The following MBOAT1 variants were observed in gnomAD, a reference collection of about 807,000 sequenced individuals.
MBOAT1 encodes membrane-bound glycerophospholipid O-acyltransferase 1.
Under a neutral mutation model 64.4 loss-of-function variants are expected in MBOAT1, and 67 were observed. That is an observed-to-expected ratio of 1.04 (90% CI 0.85 to 1.27). MBOAT1 has a LOEUF of 1.27. MBOAT1 is among the 50% of genes most tolerant of loss of function. The probability of loss-of-function intolerance (pLI) is 0.00; values close to 1 mark genes in which losing one functional copy is unlikely to be tolerated. For synonymous variants in MBOAT1, 229 were observed against 218.9 expected (o/e 1.05, Z -0.41); for missense variants, 563 against 604.6 (o/e 0.93, Z 0.72).
At chr6:20,177,184 C>T (rs1434696678) in intron 1 of MBOAT1, among the ~76,000 whole-genome samples, 2 of 152,168 alleles carry the variant, frequency 1.3e-5, no homozygotes, top group Non-Finnish European at 2.9e-5. Flanking sequence ...TTTGCCAGTG[C>T]TTGGCCTTCG....
At chr6:20,111,850 A>ATATATACG (rs1760166545) in intron 11 of MBOAT1, among the ~76,000 whole-genome samples, 2 of 93,368 alleles carry the variant, frequency 2.1e-5, no homozygotes, top group African/African-American at 8.1e-5. Context: ...ATATATACAT[A>ATATATACG]TATATATACA....
intron 10 of MBOAT1, among the ~76,000 whole-genome samples, chr6:20,113,227 G>A (rs535273113): frequency 6.6e-6 from 1 of 152,302 alleles, no homozygotes; most frequent in African/African-American, 2.4e-5. Context: ...TCAGCCTTTT[G>A]AGGGGATGTT....
intron 3 of MBOAT1, among the ~76,000 whole-genome samples, chr6:20,148,891 A>T (rs145137434): frequency 4.1e-4 from 63 of 152,102 alleles, no homozygotes; most frequent in African/African-American, 1.4e-3. Context: ...TCACTAGGTC[A>T]AGAGATTGAG....
intron 3 of MBOAT1, among the ~76,000 whole-genome samples, chr6:20,147,265 A>G (rs572312820): frequency 1.6e-4 from 24 of 152,232 alleles, no homozygotes; most frequent in Non-Finnish European, 3.5e-4. Flanking sequence ...GAATGAGCTC[A>G]AATCCCAGCA....
At chr6:20,144,129 G>T in intron 4 of MBOAT1, 91 bp downstream of exon 4, 1 of 802,640 alleles carries the variant, frequency 1.2e-6, no homozygotes, top group South Asian at 1.6e-5. Flanking sequence ...AAGCACCAAC[G>T]ATTCTTTTGT....
chr6:20,172,842 T>C (rs1762238476), intron 1 of MBOAT1, among the ~76,000 whole-genome samples: 1 of 152,162 alleles, frequency 6.6e-6, no homozygotes, highest in Non-Finnish European at 1.5e-5. Flanking sequence ...TGGATGGTGA[T>C]ATGGGTTGGA....
At chr6:20,191,349 G>A (rs775849967) in intron 1 of MBOAT1, among the ~76,000 whole-genome samples, 10 of 152,108 alleles carry the variant, frequency 6.6e-5, no homozygotes, top group East Asian at 5.8e-4. Flanking sequence ...CAATTTACCC[G>A]GGCCATAGCA....
intron 1 of MBOAT1, among the ~76,000 whole-genome samples, chr6:20,194,958 C>CTT (rs112261364): frequency 2.0e-5 from 3 of 146,430 alleles, no homozygotes; most frequent in Non-Finnish European, 1.5e-5. Context: ...ATAATCTAGA[C>CTT]TTTTTTTTTT....
At position 20,101,526 on chromosome 6, in the gene MBOAT1, G is replaced by C. The variant is rs1759785570; in HGVS notation, c.*760C>G. ...CAAACCAGTAATGTCACAAGTCAAA[G>C]GGTCTGGGGCTTCCCAGGGAACCAC... On this transcript the variant is annotated 3_prime_UTR_variant, in exon 13 of 13. Transcript: ENST00000324607. Among the ~76,000 whole-genome samples, 1 of 152,158 alleles carries C rather than the reference G, an allele frequency of 6.6e-6. No individual in the cohort carries two copies.
At chr6:20,131,478 T>C (rs1760827043) in intron 4 of MBOAT1, among the ~76,000 whole-genome samples, 2 of 152,224 alleles carry the variant, frequency 1.3e-5, no homozygotes, top group African/African-American at 4.8e-5. Flanking sequence ...AAGAAAGCCA[T>C]GTTTGCTTCT....
At chr6:20,160,289 A>G (rs1364832918) in intron 1 of MBOAT1, among the ~76,000 whole-genome samples, 1 of 152,246 alleles carries the variant, frequency 6.6e-6, no homozygotes, top group Admixed American at 6.5e-5. Context: ...GCCAGGAATT[A>G]AAAACACTGC....
chr6:20,144,891 G>C (rs933584718), intron 3 of MBOAT1, among the ~76,000 whole-genome samples: 4 of 151,982 alleles, frequency 2.6e-5, no homozygotes, highest in African/African-American at 9.7e-5. Context: ...GCTCAGCTTG[G>C]GACCCTGCCC....
At chr6:20,204,947 C>T (rs1039883137) in intron 1 of MBOAT1, among the ~76,000 whole-genome samples, 2 of 152,094 alleles carry the variant, frequency 1.3e-5, no homozygotes, top group African/African-American at 4.8e-5. Flanking sequence ...CTATAATCCC[C>T]GCATTTTGGG....
At chr6:20,207,889 T>C (rs1393709988) in intron 1 of MBOAT1, among the ~76,000 whole-genome samples, 1 of 152,222 alleles carries the variant, frequency 6.6e-6, no homozygotes, top group East Asian at 1.9e-4. Context: ...CCTATATACT[T>C]ACATGGGCCT....
At chr6:20,176,109 A>G (rs989627401) in intron 1 of MBOAT1, among the ~76,000 whole-genome samples, 3 of 152,014 alleles carry the variant, frequency 2.0e-5, no homozygotes, top group South Asian at 2.1e-4. Context: ...CAAAGTGAGA[A>G]CCTGTCTCTA....
At chr6:20,160,416 G>A (rs1761815681) in intron 1 of MBOAT1, among the ~76,000 whole-genome samples, 1 of 152,172 alleles carries the variant, frequency 6.6e-6, no homozygotes, top group Admixed American at 6.5e-5. Context: ...TGAGCAACAG[G>A]CAACTGTCCA....
At chr6:20,172,614 CCT>C (rs1762230606) in intron 1 of MBOAT1, among the ~76,000 whole-genome samples, 1 of 151,942 alleles carries the variant, frequency 6.6e-6, no homozygotes, top group South Asian at 2.1e-4. Flanking sequence ...TAGCAAATAC[CCT>C]GTTTTTGTGT....
intron 4 of MBOAT1, among the ~76,000 whole-genome samples, chr6:20,143,040 G>T (rs940206118): frequency 1.1e-4 from 17 of 152,288 alleles, no homozygotes; most frequent in African/African-American, 4.1e-4. Flanking sequence ...GCCATGAGCG[G>T]TCACTCCCTC....
intron 8 of MBOAT1, among the ~76,000 whole-genome samples, chr6:20,123,222 G>A (rs912087380): frequency 1.3e-5 from 2 of 152,190 alleles, no homozygotes; most frequent in African/African-American, 4.8e-5. Flanking sequence ...TGAGAGAGAA[G>A]AGGAACTCAA....
Sources: allele counts gnomAD v4.1 joint callset (sites outside exome capture counted in the v4.1 genomes callset), GRCh38; gene constraint gnomAD v4.1.1; transcripts MANE v1.5; gene names NCBI Gene and HGNC (gene_info 2026-07-23, HGNC 2026-07-21).